Variants in ZFHX3 observed in about 807,000 individuals in gnomAD.
ZFHX3 encodes the protein zinc finger homeobox protein 3.
A neutral mutation model predicts 279.1 loss-of-function variants in ZFHX3; 42 were observed. The ratio of observed to expected loss-of-function variants is 0.15; its 90% CI spans 0.12 to 0.19. The LOEUF is 0.19. Ranked by LOEUF, ZFHX3 falls within the 10% of genes least tolerant of loss-of-function variation. The probability of loss-of-function intolerance (pLI) is 1.00; values close to 1 mark genes in which losing one functional copy is unlikely to be tolerated. For missense variants in ZFHX3, 4,981 were observed against 4,754.0 expected, an observed-to-expected ratio of 1.05 and a Z score of -1.40; for synonymous variants, 2,293 against 1,957.8, an observed-to-expected ratio of 1.17 and a Z score of -4.52.
At chr16:73,524,735 CTCT>C (rs988902454) in intron 2 of ZFHX3, among the ~76,000 whole-genome samples, 6 of 152,222 alleles carry the variant, frequency 3.9e-5, no homozygotes, top group African/African-American at 1.4e-4. Context: ...CTAGATGCGA[CTCT>C]TATTAGGGTT....
At chr16:73,634,433 A>ATATATATATATATATATAT (rs1197229737) in intron 2 of ZFHX3, among the ~76,000 whole-genome samples, 5 of 59,908 alleles carry the variant, frequency 8.3e-5, no homozygotes, top group African/African-American at 2.2e-4. Context: ...TATTATGTAT[A>ATATATATATATATATATAT]ATATATATAT....
At chr16:73,465,642 C>A (rs750271422) in intron 2 of ZFHX3, among the ~76,000 whole-genome samples, 26 of 152,148 alleles carry the variant, frequency 1.7e-4, no homozygotes, top group Non-Finnish European at 3.4e-4. Flanking sequence ...GGTGAGGAGC[C>A]CCTCTGCTGT....
intron 3 of ZFHX3, among the ~76,000 whole-genome samples, chr16:73,396,143 G>A (rs984142999): frequency 2.6e-5 from 4 of 152,224 alleles, no homozygotes; most frequent in Admixed American, 6.5e-5. Flanking sequence ...AAAATGGAAA[G>A]ACACAATATT....
intron 2 of ZFHX3, among the ~76,000 whole-genome samples, chr16:73,477,785 C>T (rs754191680): frequency 2.0e-5 from 3 of 152,156 alleles, no homozygotes; most frequent in Non-Finnish European, 2.9e-5. Context: ...GTGTCTGGAA[C>T]AGAGTAACAA....
At chr16:73,159,353 C>T (rs1187200238) in intron 5 of ZFHX3, among the ~76,000 whole-genome samples, 7 of 152,136 alleles carry the variant, frequency 4.6e-5, no homozygotes, top group Non-Finnish European at 1.0e-4. Context: ...GGTGCCCTCT[C>T]ACAGACTCTG....
At chr16:72,804,291 T>C (rs1179417113) in intron 7 of ZFHX3, among the ~76,000 whole-genome samples, 2 of 152,330 alleles carry the variant, frequency 1.3e-5, no homozygotes, top group East Asian at 3.9e-4. Context: ...ACAGGATCCA[T>C]GTGCTGCATG....
At position 72,795,770 on chromosome 16, in the gene ZFHX3, C is replaced by T; in HGVS notation, c.6912G>A (p.Gln2304=). The part of the protein sequence containing the change: ...RQKARKNYEN[Q]GEGKDGERRE... ...GCCGCTCTCCATCTTTGCCCTCTCC[C>T]TGATTCTCATAATTCTTCCTGGCCT... The change falls in exon 9 of 10, where the codon CAG becomes CAA. Residue 2304 remains glutamine, a synonymous_variant. Coordinates refer to ENST00000268489, the MANE Select transcript of ZFHX3 (RefSeq NM_006885.4). 6.2e-7 allele frequency: 1 copy of T among 1,614,228 alleles called. No homozygotes were observed. The highest frequency in any genetic ancestry group is 8.5e-7 in the Non-Finnish European group (1 of 1,180,042).
intron 1 of ZFHX3, among the ~76,000 whole-genome samples, chr16:73,024,746 C>T (rs772977642): frequency 6.6e-6 from 1 of 152,170 alleles, no homozygotes; most frequent in Non-Finnish European, 1.5e-5. Context: ...AGTATCTCAA[C>T]AGGTTGGCTA....
chr16:73,472,047 C>T (rs1347207223), intron 2 of ZFHX3, among the ~76,000 whole-genome samples: 2 of 152,102 alleles, frequency 1.3e-5, no homozygotes, highest in African/African-American at 4.8e-5. Context: ...TGGTTCACTT[C>T]ACCTGGAGAA....
At chr16:72,882,718 T>C (rs1207471644) in intron 4 of ZFHX3, among the ~76,000 whole-genome samples, 1 of 152,138 alleles carries the variant, frequency 6.6e-6, no homozygotes, top group Admixed American at 6.5e-5. Flanking sequence ...ATTAGCATAT[T>C]TTGCAGAGAG....
Position 72,982,568 on chromosome 16 carries a change from T to C in ZFHX3, c.-49-22374A>G, listed in dbSNP as rs1266043555. 2.6e-5 allele frequency among the ~76,000 whole-genome samples: 4 copies of C among 152,308 alleles called. No individual in the cohort carries two copies. In the East Asian group the frequency reaches 7.7e-4, roughly 29 times the overall value. ...AAAGACCCAAAGGAGGTATTTTCAT[T>C]GATCACACCTCAGTGGAGTAGAGTT... On this transcript the variant is annotated intron_variant, in intron 1 of 9. Coordinates refer to ENST00000268489, the MANE Select transcript of ZFHX3 (RefSeq NM_006885.4).
intron 1 of ZFHX3, among the ~76,000 whole-genome samples, chr16:72,968,902 G>A (rs1023426624): frequency 6.6e-6 from 1 of 152,100 alleles, no homozygotes; most frequent in South Asian, 2.1e-4. Context: ...ATGTGAGTGT[G>A]TAAGTGTGTG....
At chr16:73,424,089 C>T (rs1452923758) in intron 3 of ZFHX3, among the ~76,000 whole-genome samples, 1 of 152,078 alleles carries the variant, frequency 6.6e-6, no homozygotes, top group African/African-American at 2.4e-5. Flanking sequence ...GAGAGCCCAC[C>T]CTACCACTAC....
chr16:73,368,714 T>C (rs1355602436), intron 3 of ZFHX3, among the ~76,000 whole-genome samples: 1 of 152,234 alleles, frequency 6.6e-6, no homozygotes, highest in Non-Finnish European at 1.5e-5. Flanking sequence ...CGGTATGTAA[T>C]GGGTAATATT....
At chr16:72,972,241 T>C in intron 1 of ZFHX3, among the ~76,000 whole-genome samples, 1 of 152,026 alleles carries the variant, frequency 6.6e-6, no homozygotes, top group East Asian at 1.9e-4. Flanking sequence ...TCTGAGTGAG[T>C]AATGAAAGGG....
intron 4 of ZFHX3, among the ~76,000 whole-genome samples, chr16:72,844,190 C>T (rs2037420215): frequency 6.6e-6 from 1 of 152,220 alleles, no homozygotes; most frequent in African/African-American, 2.4e-5. Flanking sequence ...CCCCGAATCC[C>T]AGCCACAGAG....
intron 1 of ZFHX3, among the ~76,000 whole-genome samples, chr16:73,811,788 A>T (rs1960434319): frequency 6.6e-6 from 1 of 151,694 alleles, no homozygotes; most frequent in South Asian, 2.1e-4. Flanking sequence ...TCTCATAATG[A>T]CTTTGTTCTC....
chr16:73,201,254 GC>G lies in ZFHX3; in HGVS notation c.-1104+55792del, dbSNP rs1968262601. 3.9e-5 allele frequency among the ~76,000 whole-genome samples: 6 copies of G among 152,324 alleles called. No homozygotes were observed. In the South Asian group the frequency reaches 1.2e-3, roughly 32 times the overall value. ...TGGATGTGAGTTTGGGCTGCCAGGG[GC>G]TACCACATGCCAATAGCCCACCTGG... is the stretch of plus-strand genomic sequence containing the variant. On this transcript the variant is annotated intron_variant, in intron 5 of 17. Transcript: ENST00000641206.
Position 73,854,858 on chromosome 16 carries a change from G to A in ZFHX3, c.-1608+36793C>T, listed in dbSNP as rs557840439. ...CACTTGTATCTGGGTTTTTCAACTA[G>A]GTTGAGCACCGAGAAAGAACCACAA... On this transcript the variant is annotated intron_variant, in intron 1 of 17. Coordinates refer to the ZFHX3 transcript ENST00000641206. Among the ~76,000 whole-genome samples, 544 of 151,710 alleles carry A rather than the reference G, an allele frequency of 3.6e-3. 2 individuals are homozygous for A. Among genetic ancestry groups the A allele is most frequent in the African/African-American group, 0.012 (501 of 41,380 alleles).
Sources: allele counts gnomAD v4.1 joint callset (sites outside exome capture counted in the v4.1 genomes callset), GRCh38; gene constraint gnomAD v4.1.1; transcripts MANE v1.5; gene names NCBI Gene and HGNC (gene_info 2026-07-23, HGNC 2026-07-21).